The following SNTB2 variants were observed in gnomAD, a reference collection of about 807,000 sequenced individuals.
The protein encoded by SNTB2 is beta-2-syntrophin.
In SNTB2, 34 loss-of-function variants were observed where a neutral mutation model predicts 46.2. That is an observed-to-expected ratio of 0.74 (90% CI 0.56 to 0.98). The LOEUF (loss-of-function observed/expected upper bound fraction) is 0.98. Among genes scored for constraint, SNTB2 ranks in the 50% least tolerant of loss-of-function variants. The probability of loss-of-function intolerance (pLI) is 0.00; values close to 1 mark genes in which losing one functional copy is unlikely to be tolerated. For missense variants in SNTB2, 603 were observed against 731.4 expected (o/e 0.82, Z 2.02); for synonymous variants, 290 against 312.6 (o/e 0.93, Z 0.76).
intron 1 of SNTB2, among the ~76,000 whole-genome samples, chr16:69,194,508 T>C (rs1365984171): frequency 6.6e-6 from 1 of 152,170 alleles, no homozygotes; most frequent in Non-Finnish European, 1.5e-5. Flanking sequence ...CCCAGATAAA[T>C]TTTGGAATGA....
At chr16:69,203,396 A>G (rs1012739010) in intron 1 of SNTB2, among the ~76,000 whole-genome samples, 6 of 152,090 alleles carry the variant, frequency 3.9e-5, no homozygotes, top group African/African-American at 1.4e-4. Flanking sequence ...GTGCACTGGC[A>G]TGATTATAGC....
intron 1 of SNTB2, among the ~76,000 whole-genome samples, chr16:69,210,987 T>C (rs1964278870): frequency 6.6e-6 from 1 of 152,130 alleles, no homozygotes; most frequent in African/African-American, 2.4e-5. Flanking sequence ...CGAGACTCCG[T>C]CTCAAAAATA....
chr16:69,189,190 A>G (rs1273077504), intron 1 of SNTB2, among the ~76,000 whole-genome samples: 1 of 152,118 alleles, frequency 6.6e-6, no homozygotes, highest in Non-Finnish European at 1.5e-5. Flanking sequence ...ATAATATCCT[A>G]TTTATAAACC....
At chr16:69,237,603 CTTTTT>C (rs397706857) in intron 1 of SNTB2, among the ~76,000 whole-genome samples, 1 of 118,768 alleles carries the variant, frequency 8.4e-6, no homozygotes, top group Non-Finnish European at 1.7e-5. Context: ...TTCTTTCTTT[CTTTTT>C]TTTTTTTTTT....
chr16:69,194,500 C>A (rs1295086475), intron 1 of SNTB2, among the ~76,000 whole-genome samples: 1 of 152,126 alleles, frequency 6.6e-6, no homozygotes, highest in Non-Finnish European at 1.5e-5. Context: ...CTTATTTCCC[C>A]AGATAAATTT....
At chr16:69,203,335 T>G (rs1277845452) in intron 1 of SNTB2, among the ~76,000 whole-genome samples, 2 of 151,070 alleles carry the variant, frequency 1.3e-5, no homozygotes, top group African/African-American at 2.4e-5. Context: ...TATTGTTGTT[T>G]TGTTTTGTTT....
chr16:69,300,997 AAG>A lies in SNTB2; in HGVS notation c.*75_*76del, dbSNP rs1965273980. ...CACCTCAAAAAAAAAAAAGCACAAAAAGAAACTCTTTGCTCTCCTTCAGCACA... is the reference window on the plus strand; with the variant it reads ...CACCTCAAAAAAAAAAAAGCACAAAAAAACTCTTTGCTCTCCTTCAGCACA... On this transcript the variant is annotated 3_prime_UTR_variant, in exon 7 of 7. Transcript: ENST00000336278. The A allele has an allele frequency of 1.0e-6, 1 of 969,736 alleles. No individual in the cohort carries two copies. The highest frequency in any genetic ancestry group is 2.2e-5 in the Admixed American group (1 of 45,892). The allele number at this position is 969,736 out of a possible 1,614,324, so 60.1% of individuals were successfully genotyped here. A position where few individuals can be genotyped will look rare whatever the true frequency, so the allele number is the denominator to read the frequency against.
intron 4 of SNTB2, among the ~76,000 whole-genome samples, chr16:69,276,737 T>C (rs1326368130): frequency 1.3e-5 from 2 of 152,180 alleles, no homozygotes; most frequent in African/African-American, 2.4e-5. Context: ...GTAATTTGCT[T>C]TTTTTCATAT....
intron 4 of SNTB2, among the ~76,000 whole-genome samples, chr16:69,276,603 G>A (rs901421982): frequency 2.6e-5 from 4 of 152,134 alleles, no homozygotes; most frequent in Non-Finnish European, 5.9e-5. Context: ...ATGTTTAATT[G>A]GCATGTTGGT....
chr16:69,188,251 A>G (rs781254500), intron 1 of SNTB2, among the ~76,000 whole-genome samples: 8 of 152,210 alleles, frequency 5.3e-5, no homozygotes, highest in South Asian at 2.1e-4. Context: ...CTCAACAATA[A>G]CCAAAGGAGA....
intron 4 of SNTB2, among the ~76,000 whole-genome samples, chr16:69,275,544 A>C (rs1265076781): frequency 3.3e-5 from 5 of 152,234 alleles, no homozygotes; most frequent in Non-Finnish European, 7.3e-5. Flanking sequence ...AGTGGGGCTT[A>C]ATGATCCTCT....
At chr16:69,250,573 A>G (rs574012085) in intron 2 of SNTB2, among the ~76,000 whole-genome samples, 24 of 152,312 alleles carry the variant, frequency 1.6e-4, no homozygotes, top group Admixed American at 2.6e-4. Context: ...TATCTGCTCA[A>G]CTATGTACTT....
At chr16:69,262,313 T>G (rs1392599295) in intron 3 of SNTB2, among the ~76,000 whole-genome samples, 1 of 149,242 alleles carries the variant, frequency 6.7e-6, no homozygotes, top group East Asian at 1.9e-4. Flanking sequence ...TTTTGTTGCT[T>G]TTTTTTTTTG....
intron 4 of SNTB2, among the ~76,000 whole-genome samples, chr16:69,279,864 A>ATTT (rs1351051561): frequency 1.9e-4 from 27 of 142,890 alleles, no homozygotes; most frequent in East Asian, 8.1e-4. Flanking sequence ...TTAATTAATT[A>ATTT]ATTAATTTAT....
At chr16:69,211,785 G>A (rs1567398502) in intron 1 of SNTB2, among the ~76,000 whole-genome samples, 1 of 152,184 alleles carries the variant, frequency 6.6e-6, no homozygotes, top group Non-Finnish European at 1.5e-5. Flanking sequence ...TGGTCACAGG[G>A]TTGTGATGTG....
intron 5 of SNTB2, among the ~76,000 whole-genome samples, chr16:69,298,755 C>G (rs1965250936): frequency 6.6e-6 from 1 of 152,012 alleles, no homozygotes; most frequent in South Asian, 2.1e-4. Flanking sequence ...CTCCTGACCT[C>G]AAGTGATCCG....
chr16:69,292,270 G>A (rs1965166416), intron 5 of SNTB2, among the ~76,000 whole-genome samples: 1 of 143,136 alleles, frequency 7.0e-6, no homozygotes, highest in Non-Finnish European at 1.5e-5. Context: ...GACACAAAGT[G>A]GATAACATAT....
In SNTB2 at chr16:69,306,115, T is replaced by A. The variant is rs1285919661; in HGVS notation, c.*5191T>A. ...AAGTGGCTGATTTGAAACCTTTCTC[T>A]AAAAAAACAAAAACATCTGGCAGAT... On this transcript the variant is annotated 3_prime_UTR_variant, in exon 7 of 7. Transcript: ENST00000336278. 6.6e-6 allele frequency: 1 copy of A among 152,132 alleles called. No individual in the cohort carries two copies. The highest frequency in any genetic ancestry group is 2.4e-5 in the African/African-American group (1 of 41,442). The allele number at this position is 152,132 out of a possible 1,614,324, so 9.4% of individuals were successfully genotyped here.
At chr16:69,274,510 G>A (rs549745614) in intron 4 of SNTB2, among the ~76,000 whole-genome samples, 42 of 152,026 alleles carry the variant, frequency 2.8e-4, no homozygotes, top group African/African-American at 9.6e-4. Flanking sequence ...AAAATTAGCC[G>A]GGTGTGGTGG....
Sources: gnomAD v4.1 joint callset for allele counts (sites outside exome capture counted in the v4.1 genomes callset) on GRCh38, gnomAD v4.1.1 for gene constraint, MANE v1.5 for transcripts, NCBI Gene and HGNC (gene_info 2026-07-23, HGNC 2026-07-21) for gene names.